The following APOLD1 variants were observed in gnomAD, a reference collection of about 807,000 sequenced individuals.
APOLD1 encodes apolipoprotein L domain-containing protein 1.
Under a neutral mutation model 15.3 loss-of-function variants are expected in APOLD1, and 22 were observed. The observed-to-expected ratio is 1.44, with a 90% CI of 1.03 to 2.05. The LOEUF (loss-of-function observed/expected upper bound fraction) is 2.05, where lower values mean the gene tolerates loss of function less well. APOLD1 is among the 30% of genes most tolerant of loss of function. The pLI is 0.00. For missense variants in APOLD1, 394 were observed against 353.5 expected (o/e 1.11, Z -0.92); for synonymous variants, 190 against 167.4 (o/e 1.13, Z -1.04).
intron 1 of APOLD1, among the ~76,000 whole-genome samples, chr12:12,749,260 A>G (rs1565429480): frequency 1.3e-5 from 2 of 152,130 alleles, no homozygotes; most frequent in East Asian, 1.9e-4. Context: ...TGTTAAATCT[A>G]TAGATTCTTT....
At chr12:12,768,239 T>C (rs1946955903) in intron 1 of APOLD1, among the ~76,000 whole-genome samples, 1 of 152,136 alleles carries the variant, frequency 6.6e-6, no homozygotes, top group Non-Finnish European at 1.5e-5. Flanking sequence ...AAATAGTTAC[T>C]GGCTTGAAAA....
At chr12:12,782,852 T>G (rs1454714259), upstream of APOLD1, among the ~76,000 whole-genome samples, 2 of 152,212 alleles carry the variant, frequency 1.3e-5, no homozygotes, top group African/African-American at 4.8e-5. Flanking sequence ...CACAGAACTT[T>G]TGAACAAAAT....
chr12:12,790,468 A>G lies in APOLD1; in HGVS notation c.*2816A>G, dbSNP rs1029143341. The G allele has an allele frequency of 4.6e-5, 7 of 152,232 alleles. No individual in the cohort carries two copies. Among genetic ancestry groups the G allele is most frequent in the Admixed American group, 1.3e-4 (2 of 15,286 alleles). 9.4% of individuals were successfully genotyped at this position (152,232 alleles called of 1,614,324 possible). A position where few individuals can be genotyped will look rare whatever the true frequency, so the allele number is the denominator to read the frequency against. ...TTTTATTAATGCTTAAGTTTAAATTATATTCTTCCAATGCCTAAGCTATTC... is the reference window on the plus strand; with the variant it reads ...TTTTATTAATGCTTAAGTTTAAATTGTATTCTTCCAATGCCTAAGCTATTC... On this transcript the variant is annotated 3_prime_UTR_variant, in exon 2 of 2. Coordinates refer to ENST00000356591, the MANE Select transcript of APOLD1 (RefSeq NM_030817.3).
chr12:12,745,478 C>T (rs111713495), intron 1 of APOLD1, among the ~76,000 whole-genome samples: 11,149 of 151,958 alleles, frequency 0.073, 496 homozygotes, highest in East Asian at 0.11. Context: ...TGCGGTGGGC[C>T]AATATCGTGC....
intron 1 of APOLD1, among the ~76,000 whole-genome samples, chr12:12,772,256 C>G (rs549974941): frequency 9.1e-4 from 139 of 152,270 alleles, no homozygotes; most frequent in African/African-American, 3.3e-3. Flanking sequence ...AAGAAACCCA[C>G]TTTAAATATA....
chr12:12,784,599 C>A (rs1049663617), upstream of APOLD1, among the ~76,000 whole-genome samples: 2 of 152,122 alleles, frequency 1.3e-5, no homozygotes, highest in Admixed American at 6.5e-5. Context: ...AATGATACGG[C>A]TGTTAAGGCT....
At chr12:12,785,923 A>G (rs1193871213) in intron 1 of APOLD1, among the ~76,000 whole-genome samples, 1 of 152,222 alleles carries the variant, frequency 6.6e-6, no homozygotes, top group East Asian at 1.9e-4. Flanking sequence ...TTCTGCCCTG[A>G]TAGCTCAGTT....
chr12:12,763,099 G>A (rs1011872643), intron 1 of APOLD1, among the ~76,000 whole-genome samples: 2 of 152,036 alleles, frequency 1.3e-5, no homozygotes, highest in African/African-American at 4.8e-5. Flanking sequence ...ACTCTAGTCT[G>A]GGTGACAGAG....
chr12:12,772,281 C>T lies in APOLD1; in HGVS notation c.97-14628C>T, dbSNP rs374534905. 2.5e-4 allele frequency among the ~76,000 whole-genome samples: 38 copies of T among 152,060 alleles called. 1 individual carries two copies. Among genetic ancestry groups the T allele is most frequent in the African/African-American group, 6.0e-4 (25 of 41,404 alleles). ...CTTTAAATATAAAGACACATATAAA[C>T]GGGTAGAGAAAGATACACCCTGACA... On this transcript the variant is annotated intron_variant, in intron 1 of 1. Coordinates refer to the APOLD1 transcript ENST00000326765.
At chr12:12,751,145 G>T (rs911235131) in intron 1 of APOLD1, among the ~76,000 whole-genome samples, 1 of 151,832 alleles carries the variant, frequency 6.6e-6, no homozygotes, top group Non-Finnish European at 1.5e-5. Context: ...GAGCAAAATC[G>T]CCATTGCCTA....
intron 1 of APOLD1, among the ~76,000 whole-genome samples, chr12:12,765,412 T>C (rs1182888575): frequency 6.6e-6 from 1 of 152,136 alleles, no homozygotes; most frequent in Non-Finnish European, 1.5e-5. Flanking sequence ...TGTGATTAAA[T>C]GAATAAAGAT....
At chr12:12,764,627 G>A (rs1946930278) in intron 1 of APOLD1, 2 of 457,164 alleles carry the variant, frequency 4.4e-6, no homozygotes, top group East Asian at 6.4e-5. Flanking sequence ...TACTAGGTGT[G>A]GGCTTTATTG....
At chr12:12,728,590 C>G (rs998942684) in intron 1 of APOLD1, among the ~76,000 whole-genome samples, 1 of 140,882 alleles carries the variant, frequency 7.1e-6, no homozygotes, top group African/African-American at 2.7e-5. Flanking sequence ...ATTGCTTGAG[C>G]CTGGAAGGCT....
At chr12:12,753,277 A>G (rs941817462) in intron 1 of APOLD1, among the ~76,000 whole-genome samples, 6 of 152,238 alleles carry the variant, frequency 3.9e-5, no homozygotes, top group African/African-American at 9.6e-5. Context: ...TTCAATAAGT[A>G]TGACTTGTAT....
intron 1 of APOLD1, among the ~76,000 whole-genome samples, chr12:12,777,661 C>T (rs1947046584): frequency 1.5e-5 from 2 of 131,104 alleles, no homozygotes; most frequent in South Asian, 5.2e-4. Flanking sequence ...TTCCTTTGAG[C>T]ATCACTCTAA....
chr12:12,733,160 C>CA (rs10569123), intron 1 of APOLD1, among the ~76,000 whole-genome samples: 2,068 of 138,238 alleles, frequency 0.015, 24 homozygotes, highest in East Asian at 0.064. Context: ...CAAAAAACAC[C>CA]AAAAAAAAAA....
chr12:12,781,111 T>A (rs73283190), upstream of APOLD1, among the ~76,000 whole-genome samples: 454 of 152,282 alleles, frequency 3.0e-3, 2 homozygotes, highest in African/African-American at 0.011. Flanking sequence ...TAAGCCACAA[T>A]TTTTTATATT....
In APOLD1 at chr12:12,786,974, G is replaced by A; in HGVS notation, c.69G>A (p.Leu23=). Residue 23 remains leucine (L), a synonymous_variant, in exon 2 of 2, where the codon CTG becomes CTA. Transcript: ENST00000356591. ...GPDALRRFQG[L]LLDRRGRLHG... Reference sequence around the variant, plus strand: ...ACGCGCTGCGGCGCTTCCAGGGACTGCTGCTGGACCGCCGAGGCCGGCTGC... The same window carrying A: ...ACGCGCTGCGGCGCTTCCAGGGACTACTGCTGGACCGCCGAGGCCGGCTGC... 6.9e-7 allele frequency: 1 copy of A among 1,439,176 alleles called. No homozygotes were observed. The highest frequency in any genetic ancestry group is 9.0e-7 in the Non-Finnish European group (1 of 1,106,510). The allele number at this position is 1,439,176 out of a possible 1,614,324, so 89.2% of individuals were successfully genotyped here.
chr12:12,743,041 C>T lies in APOLD1; in HGVS notation c.96+16945C>T, dbSNP rs541634463. On this transcript the variant is annotated intron_variant, in intron 1 of 1. Coordinates refer to the APOLD1 transcript ENST00000326765. ...TGTTGGGATTACAGGCGTGAGCCAC[C>T]GCGCCCCGCCATGGTCAAAAGCTTT... Among the ~76,000 whole-genome samples, 16 of 152,252 alleles carry T rather than the reference C, an allele frequency of 1.1e-4. 1 individual carries two copies. The highest frequency in any genetic ancestry group is 2.4e-4 in the African/African-American group (10 of 41,464).
Sources: gnomAD v4.1 joint callset for allele counts (sites outside exome capture counted in the v4.1 genomes callset) on GRCh38, gnomAD v4.1.1 for gene constraint, MANE v1.5 for transcripts, NCBI Gene and HGNC (gene_info 2026-07-23, HGNC 2026-07-21) for gene names.